Variants in ZDHHC14 observed in about 807,000 individuals in gnomAD.
ZDHHC14 encodes zDHHC palmitoyltransferase 14.
A neutral mutation model predicts 47.7 loss-of-function variants in ZDHHC14; 16 were observed. That is an observed-to-expected ratio of 0.34 (90% CI 0.23 to 0.51). The LOEUF (loss-of-function observed/expected upper bound fraction) is 0.51, where lower values mean the gene tolerates loss of function less well. ZDHHC14 is among the 20% of genes least tolerant of loss of function. The probability of loss-of-function intolerance (pLI) is 0.97; values close to 1 mark genes in which losing one functional copy is unlikely to be tolerated. For missense variants in ZDHHC14, 515 were observed against 662.5 expected (o/e 0.78, Z 2.44); for synonymous variants, 293 against 278.9 (o/e 1.05, Z -0.50).
intron 1 of ZDHHC14, among the ~76,000 whole-genome samples, chr6:157,433,412 G>T (rs1187719615): frequency 6.6e-6 from 1 of 152,124 alleles, no homozygotes; most frequent in Non-Finnish European, 1.5e-5. Context: ...AAACTCATAG[G>T]TATTCACTAA....
rs367880225 is a variant in ZDHHC14 at position 157,619,815 on chromosome 6, AAC to A, written c.566-8532_566-8531del. Among the ~76,000 whole-genome samples the A allele has an allele frequency of 6.8e-3, 1,036 of 152,340 alleles. 4 individuals are homozygous for A. The highest frequency in any genetic ancestry group is 0.018 in the South Asian group (87 of 4,822). ...GAAGAATTCATGCAGATACTAATAA[AAC>A]AGAGTCATTGTGCATTAGATTTTCC... On this transcript the variant is annotated intron_variant, in intron 3 of 8. Transcript: ENST00000359775.
At chr6:157,393,945 C>T (rs1370927585) in intron 1 of ZDHHC14, among the ~76,000 whole-genome samples, 1 of 152,162 alleles carries the variant, frequency 6.6e-6, no homozygotes, top group African/African-American at 2.4e-5. Context: ...GTCTCTGTCC[C>T]CTGCTTAGAG....
At chr6:157,602,829 G>A (rs148522358) in intron 3 of ZDHHC14, among the ~76,000 whole-genome samples, 247 of 152,332 alleles carry the variant, frequency 1.6e-3, no homozygotes, top group African/African-American at 5.8e-3. Context: ...GAGGGCACCA[G>A]CCCCTTCGTG....
At chr6:157,386,699 G>C (rs1030907025) in intron 1 of ZDHHC14, among the ~76,000 whole-genome samples, 9 of 152,188 alleles carry the variant, frequency 5.9e-5, no homozygotes, top group African/African-American at 2.2e-4. Flanking sequence ...GCCGACTGCA[G>C]TGCTATCCAG....
chr6:157,400,403 A>G (rs1201819539), intron 1 of ZDHHC14, among the ~76,000 whole-genome samples: 1 of 152,162 alleles, frequency 6.6e-6, no homozygotes, highest in Non-Finnish European at 1.5e-5. Flanking sequence ...GTGCCCTTCA[A>G]ACTTTTAAAG....
intron 5 of ZDHHC14, among the ~76,000 whole-genome samples, chr6:157,642,833 T>C (rs1777321616): frequency 6.6e-6 from 1 of 152,224 alleles, no homozygotes; most frequent in African/African-American, 2.4e-5. Context: ...AATGTGTGTC[T>C]GTATATCTGT....
intron 5 of ZDHHC14, among the ~76,000 whole-genome samples, chr6:157,636,456 G>A (rs1297374683): frequency 1.3e-5 from 2 of 151,954 alleles, no homozygotes; most frequent in African/African-American, 4.8e-5. Context: ...GGGATACCCC[G>A]AAGGCCCTTG....
At chr6:157,420,742 G>A (rs563778657) in intron 1 of ZDHHC14, among the ~76,000 whole-genome samples, 3 of 152,310 alleles carry the variant, frequency 2.0e-5, no homozygotes, top group South Asian at 4.1e-4. Context: ...TAGTAGGAGC[G>A]AATGACTCAG....
intron 1 of ZDHHC14, among the ~76,000 whole-genome samples, chr6:157,404,190 G>A (rs1045220731): frequency 6.6e-6 from 1 of 152,192 alleles, no homozygotes; most frequent in Admixed American, 6.5e-5. Context: ...AGGCTGGAGT[G>A]CAGTGGTGTG....
chr6:157,446,601 T>C (rs542858961), intron 1 of ZDHHC14, among the ~76,000 whole-genome samples: 1 of 151,676 alleles, frequency 6.6e-6, no homozygotes, highest in Non-Finnish European at 1.5e-5. Flanking sequence ...GTAGAGACAG[T>C]GTTTCACCAT....
chr6:157,574,478 C>T (rs1373128942), intron 2 of ZDHHC14, among the ~76,000 whole-genome samples: 2 of 152,146 alleles, frequency 1.3e-5, no homozygotes, highest in South Asian at 2.1e-4. Context: ...AGCCTAGGCC[C>T]TTCCTCTGAG....
intron 1 of ZDHHC14, among the ~76,000 whole-genome samples, chr6:157,443,693 A>T (rs1299677125): frequency 6.6e-6 from 1 of 152,206 alleles, no homozygotes; most frequent in Non-Finnish European, 1.5e-5. Flanking sequence ...CAAAGCTAAG[A>T]TGAACTAGCT....
Position 157,644,379 on chromosome 6 carries a change from C to T in ZDHHC14, c.753-1358C>T, listed in dbSNP as rs143140950. On this transcript the variant is annotated intron_variant, in intron 5 of 8. Coordinates refer to ENST00000359775, the MANE Select transcript of ZDHHC14 (RefSeq NM_024630.3). ...AGAGCCCCCACTGTAGCCATTTGCC[C>T]AGCAGGGGTTGCCTAGGCTGGCAGC... Among the ~76,000 whole-genome samples the T allele has an allele frequency of 4.6e-5, 7 of 152,366 alleles. No individual in the cohort carries two copies. In the East Asian group the frequency reaches 1.2e-3, roughly 25 times the overall value.
intron 7 of ZDHHC14, among the ~76,000 whole-genome samples, chr6:157,650,027 G>A (rs1444309807): frequency 6.6e-6 from 1 of 150,666 alleles, no homozygotes; most frequent in Non-Finnish European, 1.5e-5. Context: ...GCCAGGCGCT[G>A]GGGGTGCACG....
intron 3 of ZDHHC14, among the ~76,000 whole-genome samples, chr6:157,596,380 A>G (rs572865213): frequency 1.3e-5 from 2 of 152,224 alleles, no homozygotes; most frequent in Non-Finnish European, 2.9e-5. Flanking sequence ...CCTTGTAACG[A>G]GCAGGTTTGA....
At chr6:157,572,666 C>T (rs1043082170) in intron 2 of ZDHHC14, among the ~76,000 whole-genome samples, 2 of 132,904 alleles carry the variant, frequency 1.5e-5, no homozygotes, top group African/African-American at 5.7e-5. Flanking sequence ...CACAACAGTC[C>T]CCGGTGTGTG....
At chr6:157,641,010 C>T (rs1562524028) in intron 5 of ZDHHC14, among the ~76,000 whole-genome samples, 2 of 151,864 alleles carry the variant, frequency 1.3e-5, no homozygotes, top group African/African-American at 2.4e-5. Flanking sequence ...AAAAAGGACT[C>T]TTTTTTTTGC....
chr6:157,573,042 C>T (rs1363566943), intron 2 of ZDHHC14, among the ~76,000 whole-genome samples: 1 of 152,124 alleles, frequency 6.6e-6, no homozygotes, highest in Non-Finnish European at 1.5e-5. Flanking sequence ...CTTTGATGAC[C>T]AAGTCTGGGA....
intron 4 of ZDHHC14, among the ~76,000 whole-genome samples, chr6:157,628,944 G>T (rs534033154): frequency 2.0e-5 from 3 of 152,138 alleles, no homozygotes; most frequent in Non-Finnish European, 4.4e-5. Context: ...ACAGTCACCA[G>T]TCACCCTCCC....
Sources: gnomAD v4.1 joint callset for allele counts (sites outside exome capture counted in the v4.1 genomes callset) on GRCh38, gnomAD v4.1.1 for gene constraint, MANE v1.5 for transcripts, NCBI Gene and HGNC (gene_info 2026-07-23, HGNC 2026-07-21) for gene names.